The following HERC2 variants were observed in gnomAD, a reference collection of about 807,000 sequenced individuals.
HERC2 encodes the protein E3 ubiquitin-protein ligase HERC2.
HERC2 carries 102 observed loss-of-function variants against 537.7 expected under a neutral mutation model. That is an observed-to-expected ratio of 0.19 (90% confidence interval 0.16 to 0.22). HERC2 has a LOEUF of 0.22. Among genes scored for constraint, HERC2 ranks in the 10% least tolerant of loss-of-function variants. The probability of loss-of-function intolerance (pLI) is 1.00; values close to 1 mark genes in which losing one functional copy is unlikely to be tolerated. For missense variants in HERC2, 4,236 were observed against 6,198.2 expected (o/e 0.68, Z 10.63); for synonymous variants, 2,224 against 2,466.2 (o/e 0.90, Z 2.91).
Position 28,213,988 on chromosome 15 carries a change from C to G in HERC2, c.6556-16G>C, listed in dbSNP as rs183051135. ...CTAACTGGGCCTAGTGCAGACCAAA[C>G]AGCGAGCTCGACAGAGACACTCACG... On this transcript the variant is annotated splice_polypyrimidine_tract_variant and intron_variant, in intron 41 of 92. Transcript: ENST00000261609. 995 of 1,612,316 alleles carry G rather than the reference C, an allele frequency of 6.2e-4. 5 individuals are homozygous for G. In the Admixed American group the frequency reaches 8.3e-3, roughly 13 times the overall value.
chr15:28,314,863 GAAA>G (rs11324616), intron 2 of HERC2, among the ~76,000 whole-genome samples: 1 of 142,754 alleles, frequency 7.0e-6, no homozygotes, highest in Non-Finnish European at 1.5e-5. Flanking sequence ...TCCCTCTCAG[GAAA>G]AAAAAAAAAA....
chr15:28,182,631 T>A (rs766023906), intron 56 of HERC2, 119 bp from the exon 57 acceptor site: 2 of 783,166 alleles, frequency 2.6e-6, no homozygotes, highest in Non-Finnish European at 4.0e-6. Context: ...TTTCAGAAAC[T>A]CTTAAAATTT....
chr15:28,287,481 G>A (rs1338358816), intron 4 of HERC2, among the ~76,000 whole-genome samples: 1 of 152,032 alleles, frequency 6.6e-6, no homozygotes, highest in African/African-American at 2.4e-5. Context: ...GTGTATTTCG[G>A]GTCTAGTTAC....
intron 30 of HERC2, among the ~76,000 whole-genome samples, 193 bp from the exon 31 acceptor site, chr15:28,230,693 C>T (rs1901739245): frequency 1.3e-5 from 2 of 151,996 alleles, no homozygotes; most frequent in South Asian, 2.1e-4. Flanking sequence ...AGTGAGAGTG[C>T]GACGAGGGGA....
rs1294616642 is a variant in HERC2, at chr15:28,213,952, G to C, written c.6576C>G (p.Phe2192Leu). 6.2e-7 allele frequency: 1 copy of C among 1,613,886 alleles called. No homozygotes were observed. The highest frequency in any genetic ancestry group is 1.3e-5 in the African/African-American group (1 of 74,928). ...CCACTTCAGGGTTCTCGGAGTCGGG[G>C]AAGTAGTCCTCTAACTGGGCCTAGT... Reference protein sequence around the residue: ...PSEGAQLEDYFPDSENPEVGG... With the variant: ...PSEGAQLEDYLPDSENPEVGG... The change falls in exon 42 of 93, where the codon TTC becomes TTG. Residue 2192 changes from phenylalanine to leucine, a missense_variant. This residue lies in a region of HERC2 where 365 missense variants were observed against 468.8 expected (regional missense o/e 0.78). Coordinates refer to ENST00000261609, the MANE Select transcript of HERC2 (RefSeq NM_004667.6).
At position 28,145,281 on chromosome 15, in the gene HERC2, G is replaced by A. The variant is rs577470602; in HGVS notation, c.11009-477C>T. Among the ~76,000 whole-genome samples the A allele has an allele frequency of 2.0e-4, 31 of 152,336 alleles. No individual in the cohort carries two copies. The South Asian group carries it at 2.7e-3, about 13-fold the overall frequency. ...GCACGGCCCAGAGTAGGCCGCCCTCGAGGGAGCAGAGGGCCTGGCTGCTGT... is the reference window on the plus strand; with the variant it reads ...GCACGGCCCAGAGTAGGCCGCCCTCAAGGGAGCAGAGGGCCTGGCTGCTGT... On this transcript the variant is annotated intron_variant, in intron 71 of 92. Transcript: ENST00000261609.
chr15:28,248,760 C>T (rs747080223), intron 20 of HERC2, 24 bp from the exon 21 acceptor site: 6 of 1,565,860 alleles, frequency 3.8e-6, no homozygotes, highest in Non-Finnish European at 5.2e-6. Flanking sequence ...AAGAGGATTA[C>T]AAAATTAAAC....
At chr15:28,286,181 C>T (rs1235117589) in intron 4 of HERC2, among the ~76,000 whole-genome samples, 1 of 151,868 alleles carries the variant, frequency 6.6e-6, no homozygotes. Context: ...TAAGAAGCTA[C>T]TATTAAGAAG....
Position 28,191,021 on chromosome 15 carries a change from T to C in HERC2, c.8593A>G (p.Thr2865Ala). The C allele has an allele frequency of 6.2e-7, 1 of 1,612,876 alleles. No individual in the cohort carries two copies. Among genetic ancestry groups the C allele is most frequent in the Non-Finnish European group, 8.5e-7 (1 of 1,178,846 alleles). Residue 2865 changes from threonine to alanine, a missense_variant, in exon 55 of 93, where the codon ACA becomes GCA. Coordinates refer to ENST00000261609, the MANE Select transcript of HERC2 (RefSeq NM_004667.6). ...GTGTCAGAAGGGTTAATATTGATTG[T>C]CTTTAGTTCAATAAGGTTATTCAGG... ...NSLNNLIELK[T>A]ININPSDTTV...
In HERC2 at chr15:28,260,791, A is replaced by C. The variant is rs1567085075; in HGVS notation, c.2302T>G (p.Cys768Gly). 6.2e-7 allele frequency: 1 copy of C among 1,613,988 alleles called. No homozygotes were observed. Among genetic ancestry groups the C allele is most frequent in the Non-Finnish European group, 8.5e-7 (1 of 1,179,968 alleles). Residue 768 changes from cysteine (C) to glycine (G), a missense_variant, in exon 16 of 93, where the codon TGT (cysteine) becomes GGT (glycine). This residue lies in a region of HERC2 where 754 missense variants were observed against 1,085.0 expected (regional missense o/e 0.69). Transcript: ENST00000261609. ...ATATTCAGTACCTGGGCAGGCCCAC[A>C]GGCAATTCCCACTATGTGTTTGGTG... ...LDTKHIVGIA[C>G]GPAQSFAWSS...
At chr15:28,119,443 G>A (rs62007543) in intron 86 of HERC2, among the ~76,000 whole-genome samples, 126,714 of 145,858 alleles carry the variant, frequency 0.87, 57,795 homozygotes, top group Non-Finnish European at 0.99. Context: ...AAAAAGGCCT[G>A]ATATAAGTTG....
intron 2 of HERC2, among the ~76,000 whole-genome samples, chr15:28,303,632 C>T (rs533435786): frequency 9.7e-4 from 148 of 152,108 alleles, no homozygotes; most frequent in African/African-American, 3.4e-3. Context: ...CTGTAGATTG[C>T]TTTGGGTAGT....
At chr15:28,131,093 T>G (rs1156426332) in intron 81 of HERC2, among the ~76,000 whole-genome samples, 1 of 151,038 alleles carries the variant, frequency 6.6e-6, no homozygotes, top group Non-Finnish European at 1.5e-5. Flanking sequence ...CTGCTCCTCA[T>G]GACCTCTGTG....
Position 28,245,562 on chromosome 15 carries a change from T to TAC in HERC2, c.3577+318_3577+319insGT, listed in dbSNP as rs1444542968. Among the ~76,000 whole-genome samples the TAC allele has an allele frequency of 9.9e-3, 622 of 62,922 alleles. 12 individuals carry two copies. Among genetic ancestry groups the TAC allele is most frequent in the African/African-American group, 0.03 (570 of 19,004 alleles). The allele number at this position is 62,922 out of a possible 152,430, so 41.3% of individuals were successfully genotyped here. A position where few individuals can be genotyped will look rare whatever the true frequency, so the allele number is the denominator to read the frequency against. ...ATGTAGTGTCAAAAAAAAAAAAAAA[T>TAC]ATATACACACACACACACACACACA... On this transcript the variant is annotated intron_variant, in intron 23 of 92. Transcript: ENST00000261609.
At chr15:28,296,458 A>G (rs543028171) in intron 3 of HERC2, among the ~76,000 whole-genome samples, 3 of 152,224 alleles carry the variant, frequency 2.0e-5, no homozygotes, top group African/African-American at 7.2e-5. Context: ...GAGCGACAGA[A>G]CAAGACTCCC....
chr15:28,137,437 G>A (rs570168686), intron 78 of HERC2, among the ~76,000 whole-genome samples: 157 of 152,220 alleles, frequency 1.0e-3, no homozygotes, highest in African/African-American at 3.5e-3. Context: ...CAAGTCTATC[G>A]GCGCCATTTT....
chr15:28,271,113 A>G (rs1271606745), intron 9 of HERC2, among the ~76,000 whole-genome samples: 6 of 152,182 alleles, frequency 3.9e-5, no homozygotes, highest in African/African-American at 1.4e-4. Context: ...TTATGATACC[A>G]CAGGTAAGAT....
intron 7 of HERC2, among the ~76,000 whole-genome samples, 168 bp downstream of exon 7, chr15:28,274,123 G>T (rs16950972): frequency 6.6e-6 from 1 of 152,012 alleles, no homozygotes; most frequent in Non-Finnish European, 1.5e-5. Flanking sequence ...AAATCAAATC[G>T]CCTGAAAAGC....
Position 28,292,877 on chromosome 15 carries a change from C to G in HERC2, c.322+11G>C, listed in dbSNP as rs763799330. 1.9e-6 allele frequency: 3 copies of G among 1,607,972 alleles called. No homozygotes were observed. The highest frequency in any genetic ancestry group is 2.5e-6 in the Non-Finnish European group (3 of 1,179,188). On this transcript the variant is annotated intron_variant, in intron 4 of 92. Transcript: ENST00000261609. ...TCAACCTTTCCAAAGTGCCAAAATT[C>G]ACAAGATTACCTGGTTGCTTGCCCC... is the stretch of plus-strand genomic sequence containing the variant.
Sources: allele counts gnomAD v4.1 joint callset (sites outside exome capture counted in the v4.1 genomes callset), GRCh38; gene constraint gnomAD v4.1.1; regional missense constraint gnomAD v4.1.1; transcripts MANE v1.5; gene names NCBI Gene and HGNC (gene_info 2026-07-23, HGNC 2026-07-21).